Variants in SLC29A3 observed in about 807,000 individuals in gnomAD.
SLC29A3 encodes solute carrier family 29 member 3, also known as equilibrative nucleoside transporter 3.
A neutral mutation model predicts 25.4 loss-of-function variants in SLC29A3; 18 were observed. The ratio of observed to expected loss-of-function variants is 0.71; its 90% CI spans 0.49 to 1.05. The LOEUF is 1.05. SLC29A3 is among the 50% of genes least tolerant of loss of function. SLC29A3 has a pLI of 0.00. For missense variants in SLC29A3, 586 were observed against 609.0 expected, an observed-to-expected ratio of 0.96 and a Z score of 0.40; for synonymous variants, 258 against 267.1, an observed-to-expected ratio of 0.97 and a Z score of 0.33.
At chr10:71,376,090 C>T (rs2131860487) in intron 4 of SLC29A3, among the ~76,000 whole-genome samples, 1 of 152,336 alleles carries the variant, frequency 6.6e-6, no homozygotes, top group South Asian at 2.1e-4. Context: ...CCAGCTTGAA[C>T]ATTTTTAAGG....
At chr10:71,325,455 G>A (rs540820616) in intron 2 of SLC29A3, among the ~76,000 whole-genome samples, 4 of 152,274 alleles carry the variant, frequency 2.6e-5, no homozygotes, top group Admixed American at 1.3e-4. Flanking sequence ...ATACCAATGC[G>A]GGCCACGCCC....
intron 2 of SLC29A3, among the ~76,000 whole-genome samples, chr10:71,329,801 C>T (rs1049858775): frequency 6.6e-6 from 1 of 152,210 alleles, no homozygotes; most frequent in African/African-American, 2.4e-5. Flanking sequence ...TCTGCCTCCA[C>T]TAGAGTACCC....
At chr10:71,363,936 T>G (rs1319003168), downstream of SLC29A3, among the ~76,000 whole-genome samples, 1 of 151,846 alleles carries the variant, frequency 6.6e-6, no homozygotes, top group Admixed American at 6.6e-5. Context: ...CAGGGGGTTG[T>G]GCATTCTATC....
chr10:71,342,322 C>G (rs576953770), intron 2 of SLC29A3, among the ~76,000 whole-genome samples: 1 of 152,302 alleles, frequency 6.6e-6, no homozygotes, highest in South Asian at 2.1e-4. Context: ...GATCTGTGCT[C>G]ATGGAATGAT....
chr10:71,345,565 T>C (rs1264199532), intron 3 of SLC29A3, among the ~76,000 whole-genome samples: 4 of 152,166 alleles, frequency 2.6e-5, no homozygotes, highest in Admixed American at 6.5e-5. Flanking sequence ...CACCTCCCAA[T>C]GGAATTTGCA....
chr10:71,362,754 G>A lies in SLC29A3; in HGVS notation c.*146G>A. On this transcript the variant is annotated 3_prime_UTR_variant, in exon 6 of 6. Transcript: ENST00000373189. ...ACTCGGGCCTCATCCCTCCCAAGAT[G>A]CCAGTGAGCCACGTCCATGCCCATT... The A allele has an allele frequency of 2.0e-6, 2 of 1,005,736 alleles. No homozygotes were observed. Among genetic ancestry groups the A allele is most frequent in the Non-Finnish European group, 3.0e-6 (2 of 658,986 alleles). The allele number at this position is 1,005,736 out of a possible 1,614,324, so 62.3% of individuals were successfully genotyped here.
chr10:71,340,386 C>T (rs952146068), intron 2 of SLC29A3, among the ~76,000 whole-genome samples: 1 of 152,194 alleles, frequency 6.6e-6, no homozygotes, highest in African/African-American at 2.4e-5. Flanking sequence ...GTTCAACCTC[C>T]ACCATCATAC....
In SLC29A3 at chr10:71,322,913, A is replaced by G. The variant is rs150354424; in HGVS notation, c.159A>G (p.Thr53=). 1.7e-5 allele frequency: 27 copies of G among 1,614,116 alleles called. No individual in the cohort carries two copies. The Admixed American group carries it at 2.0e-4, about 12-fold the overall frequency. ...LQRPEDRFCG[T]YIIFFSLGIG... is the part of the protein sequence containing the mutation. ...GGCCCGAGGACCGCTTCTGTGGCAC[A>G]TACATCATCTTCTTCAGCCTGGGCA... Residue 53 remains threonine (T), a synonymous_variant, in exon 2 of 6, where the codon ACA becomes ACG. Coordinates refer to ENST00000373189, the MANE Select transcript of SLC29A3 (RefSeq NM_018344.6).
intron 4 of SLC29A3, among the ~76,000 whole-genome samples, chr10:71,353,428 T>G (rs999252727): frequency 6.6e-6 from 1 of 152,218 alleles, no homozygotes; most frequent in African/African-American, 2.4e-5. Context: ...CTTCCATCCT[T>G]GCTGGCAGGC....
At chr10:71,323,447 G>A (rs1845898995) in intron 2 of SLC29A3, among the ~76,000 whole-genome samples, 1 of 152,270 alleles carries the variant, frequency 6.6e-6, no homozygotes, top group African/African-American at 2.4e-5. Context: ...CATGGCCAAG[G>A]CCACCTCATA....
At chr10:71,349,032 G>T (rs572904074) in intron 3 of SLC29A3, among the ~76,000 whole-genome samples, 1 of 152,226 alleles carries the variant, frequency 6.6e-6, no homozygotes, top group African/African-American at 2.4e-5. Context: ...AACTTCCCTA[G>T]TCATTGGTTG....
In SLC29A3 at chr10:71,351,675, C is replaced by A. The variant is rs762456847; in HGVS notation, c.497C>A (p.Ala166Glu). 1 of 1,614,150 alleles carries A rather than the reference C, an allele frequency of 6.2e-7. No individual in the cohort carries two copies. Among genetic ancestry groups the A allele is most frequent in the Non-Finnish European group, 8.5e-7 (1 of 1,179,982 alleles). The change falls in exon 4 of 6, where the codon GCG (alanine) becomes GAG (glutamate). Residue 166 changes from alanine to glutamate, a missense_variant. By Grantham distance (107) the Ala-to-Glu change is moderately radical (BLOSUM62 -1). Coordinates refer to ENST00000373189, the MANE Select transcript of SLC29A3 (RefSeq NM_018344.6). Reference sequence around the variant, plus strand: ...TCCTCCTGGACCCGTGGCTTTTTTGCGGTCACCATTGTCTGCATGGTGATC... The same window carrying A: ...TCCTCCTGGACCCGTGGCTTTTTTGAGGTCACCATTGTCTGCATGGTGATC... ...DTSSWTRGFF[A>E]VTIVCMVILS...
In SLC29A3 at chr10:71,356,390, C is replaced by T. The variant is rs141965585; in HGVS notation, c.773+147C>T. On this transcript the variant is annotated intron_variant, in intron 5 of 5. Transcript: ENST00000373189. Reference sequence around the variant, plus strand: ...TCAACAAATAGGCTTGGCTGGTGGACGTGAGAGGCTGGCTCTGTGCCACAG... The same window carrying T: ...TCAACAAATAGGCTTGGCTGGTGGATGTGAGAGGCTGGCTCTGTGCCACAG... The T allele has an allele frequency of 4.0e-3, 3,999 of 994,212 alleles. 80 individuals are homozygous for T. Among genetic ancestry groups the T allele is most frequent in the South Asian group, 0.016 (962 of 61,220 alleles). The allele number at this position is 994,212 out of a possible 1,614,324, so 61.6% of individuals were successfully genotyped here.
intron 3 of SLC29A3, 118 bp from the exon 4 acceptor site, chr10:71,351,444 G>T: frequency 1.2e-6 from 1 of 823,000 alleles, no homozygotes; most frequent in Non-Finnish European, 2.0e-6. Flanking sequence ...CCTCTTGACT[G>T]CAGAGTGAAC....
chr10:71,371,382 A>C (rs1029976402), intron 3 of SLC29A3, among the ~76,000 whole-genome samples: 9 of 152,114 alleles, frequency 5.9e-5, no homozygotes, highest in Admixed American at 5.2e-4. Context: ...CTTCCTTCTA[A>C]GAGTCTTATG....
At chr10:71,337,155 C>T (rs2131816128) in intron 2 of SLC29A3, among the ~76,000 whole-genome samples, 1 of 152,330 alleles carries the variant, frequency 6.6e-6, no homozygotes, top group Non-Finnish European at 1.5e-5. Flanking sequence ...TGCCCCCCTT[C>T]CCTGCCCAGC....
intron 3 of SLC29A3, among the ~76,000 whole-genome samples, chr10:71,350,361 C>T (rs1285509360): frequency 1.9e-5 from 2 of 107,482 alleles, no homozygotes; most frequent in East Asian, 5.1e-4. Context: ...ATTTTTCCTA[C>T]CTTTCAAGTT....
At chr10:71,372,612 T>G (rs962938665) in intron 3 of SLC29A3, among the ~76,000 whole-genome samples, 1 of 152,144 alleles carries the variant, frequency 6.6e-6, no homozygotes, top group Non-Finnish European at 1.5e-5. Flanking sequence ...GATGAGGGGT[T>G]GTCATCAGCT....
chr10:71,335,902 A>G (rs1384333690), intron 2 of SLC29A3, among the ~76,000 whole-genome samples: 1 of 151,718 alleles, frequency 6.6e-6, no homozygotes, highest in African/African-American at 2.4e-5. Context: ...GATGGAGCTC[A>G]GGGGGCACCT....
Sources: gnomAD v4.1 joint callset for allele counts (sites outside exome capture counted in the v4.1 genomes callset) on GRCh38, gnomAD v4.1.1 for gene constraint, MANE v1.5 for transcripts, NCBI Gene and HGNC (gene_info 2026-07-23, HGNC 2026-07-21) for gene names.